The following AGTPBP1 variants were observed in gnomAD, a reference collection of about 807,000 sequenced individuals.
AGTPBP1 encodes the protein cytosolic carboxypeptidase 1.
A neutral mutation model predicts 143.9 loss-of-function variants in AGTPBP1; 70 were observed. That is an observed-to-expected ratio of 0.49 (90% confidence interval 0.40 to 0.59). The LOEUF (loss-of-function observed/expected upper bound fraction) is 0.59. Among genes scored for constraint, AGTPBP1 ranks in the 20% least tolerant of loss-of-function variants. The probability of loss-of-function intolerance (pLI) is 0.00; values close to 1 mark genes in which losing one functional copy is unlikely to be tolerated. For synonymous variants in AGTPBP1, 463 were observed against 500.2 expected (o/e 0.93, Z 0.99); for missense variants, 1,229 against 1,464.5 (o/e 0.84, Z 2.62).
At chr9:85,646,250 T>C in intron 12 of AGTPBP1, 71 bp downstream of exon 12, 1 of 974,302 alleles carries the variant, frequency 1.0e-6, no homozygotes, top group Non-Finnish European at 1.6e-6. Flanking sequence ...TATATTTATT[T>C]ACCCAATTTT....
At chr9:85,629,720 A>C (rs572177684) in intron 14 of AGTPBP1, among the ~76,000 whole-genome samples, 1 of 152,336 alleles carries the variant, frequency 6.6e-6, no homozygotes, top group East Asian at 1.9e-4. Context: ...TGATATATAC[A>C]ATCAAGTAAA....
chr9:85,582,612 G>A (rs1428650227), intron 23 of AGTPBP1, among the ~76,000 whole-genome samples: 1 of 151,986 alleles, frequency 6.6e-6, no homozygotes, highest in Middle Eastern at 3.4e-3. Context: ...CCAGGGAGAC[G>A]GAGGCTGCAG....
At chr9:85,602,586 A>C (rs1199549563) in intron 17 of AGTPBP1, among the ~76,000 whole-genome samples, 4 of 152,246 alleles carry the variant, frequency 2.6e-5, no homozygotes, top group South Asian at 2.1e-4. Context: ...CCTATTTAAC[A>C]AAATAAACAG....
chr9:85,642,342 T>G (rs1832531964), intron 13 of AGTPBP1, among the ~76,000 whole-genome samples: 3 of 152,078 alleles, frequency 2.0e-5, no homozygotes. Flanking sequence ...CCCCTCTTTT[T>G]TTTTTGAGAC....
chr9:85,753,377 G>T, the AGTPBP1 span: 7 of 1,613,518 alleles, frequency 4.3e-6, no homozygotes, highest in Non-Finnish European at 5.9e-6. Context: ...CATGTAACTT[G>T]AAAAGGAGAA....
At chr9:85,634,880 T>C (rs1831933946) in intron 13 of AGTPBP1, among the ~76,000 whole-genome samples, 1 of 152,206 alleles carries the variant, frequency 6.6e-6, no homozygotes, top group South Asian at 2.1e-4. Flanking sequence ...TTAATGTATA[T>C]TCCCAGTAAC....
chr9:85,682,091 C>G (rs1170001401), intron 3 of AGTPBP1, among the ~76,000 whole-genome samples: 1 of 131,908 alleles, frequency 7.6e-6, no homozygotes, highest in African/African-American at 2.8e-5. Context: ...CAAAAACAAA[C>G]AAAACTAACA....
At chr9:85,573,191 T>C (rs1207960847) in intron 25 of AGTPBP1, among the ~76,000 whole-genome samples, 2 of 149,576 alleles carry the variant, frequency 1.3e-5, no homozygotes, top group African/African-American at 4.9e-5. Flanking sequence ...CTCGGCTCAC[T>C]GCAACCTCCC....
chr9:85,751,583 A>T, the AGTPBP1 span, among the ~76,000 whole-genome samples: 1 of 152,128 alleles, frequency 6.6e-6, no homozygotes, highest in East Asian at 1.9e-4. Flanking sequence ...ATCATTTCTA[A>T]ACCCCTAGAA....
At chr9:85,651,547 T>A (rs1833163461) in intron 11 of AGTPBP1, among the ~76,000 whole-genome samples, 1 of 152,212 alleles carries the variant, frequency 6.6e-6, no homozygotes, top group South Asian at 2.1e-4. Context: ...CAGATTATAA[T>A]GTTTAATACA....
chr9:85,782,955 A>G, the AGTPBP1 span, among the ~76,000 whole-genome samples: 1 of 152,202 alleles, frequency 6.6e-6, no homozygotes, highest in South Asian at 2.1e-4. Flanking sequence ...CAAAATAGTC[A>G]ACATAAGACC....
At chr9:85,653,099 C>A (rs1032431667) in intron 11 of AGTPBP1, among the ~76,000 whole-genome samples, 2 of 151,962 alleles carry the variant, frequency 1.3e-5, no homozygotes, top group East Asian at 3.9e-4. Context: ...TATAATGAAG[C>A]CTGACATGTG....
At chr9:85,758,592 C>T in the AGTPBP1 span, among the ~76,000 whole-genome samples, 14 of 151,970 alleles carry the variant, frequency 9.2e-5, no homozygotes, top group African/African-American at 3.4e-4. Flanking sequence ...TGCAGTGAGC[C>T]GAGACCATGC....
At chr9:85,550,179 G>C (rs922455459) in intron 25 of AGTPBP1, among the ~76,000 whole-genome samples, 4 of 90,522 alleles carry the variant, frequency 4.4e-5, no homozygotes, top group African/African-American at 6.1e-5. Flanking sequence ...AAGAGTTTGT[G>C]AGTGTGTGTG....
chr9:85,802,916 C>T, the AGTPBP1 span, among the ~76,000 whole-genome samples: 1 of 152,208 alleles, frequency 6.6e-6, no homozygotes, highest in Non-Finnish European at 1.5e-5. Context: ...AACATCTGCT[C>T]ATGTTCTATA....
upstream of AGTPBP1, among the ~76,000 whole-genome samples, chr9:85,746,048 T>A (rs1824575658): frequency 6.6e-6 from 1 of 152,114 alleles, no homozygotes; most frequent in Non-Finnish European, 1.5e-5. Flanking sequence ...GCAGACAACA[T>A]GGTGCAGATC....
chr9:85,733,201 A>T (rs1839003701), intron 1 of AGTPBP1, among the ~76,000 whole-genome samples: 1 of 152,206 alleles, frequency 6.6e-6, no homozygotes, highest in South Asian at 2.1e-4. Context: ...CACACAGAAC[A>T]TTCTCCAAAA....
chr9:85,593,871 T>G (rs1211710727), intron 18 of AGTPBP1, among the ~76,000 whole-genome samples: 1 of 152,186 alleles, frequency 6.6e-6, no homozygotes, highest in Non-Finnish European at 1.5e-5. Context: ...TTAAAGATGC[T>G]CTAACAACTT....
chr9:85,592,977 C>T (rs144397348), intron 18 of AGTPBP1, among the ~76,000 whole-genome samples: 5 of 152,258 alleles, frequency 3.3e-5, no homozygotes, highest in African/African-American at 1.2e-4. Flanking sequence ...CATTCTTTGA[C>T]ATCCATACAC....
Sources: allele counts gnomAD v4.1 joint callset (sites outside exome capture counted in the v4.1 genomes callset), GRCh38; gene constraint gnomAD v4.1.1; transcripts MANE v1.5; gene names NCBI Gene and HGNC (gene_info 2026-07-23, HGNC 2026-07-21).